The following BNC2 variants were observed in gnomAD, a reference collection of about 807,000 sequenced individuals.
BNC2 encodes zinc finger protein basonuclin-2.
BNC2 carries 20 observed loss-of-function variants against 76.3 expected under a neutral mutation model. The observed-to-expected ratio is 0.26, with a 90% CI of 0.18 to 0.38. BNC2 has a LOEUF of 0.38. Among genes scored for constraint, BNC2 ranks in the 10% least tolerant of loss-of-function variants. The probability of loss-of-function intolerance (pLI) is 1.00; values close to 1 mark genes in which losing one functional copy is unlikely to be tolerated. For synonymous variants in BNC2, 582 were observed against 514.8 expected, an observed-to-expected ratio of 1.13 and a Z score of -1.77; for missense variants, 1,382 against 1,399.8, an observed-to-expected ratio of 0.99 and a Z score of 0.20.
chr9:16,641,716 G>A (rs1294223279), intron 3 of BNC2, among the ~76,000 whole-genome samples: 2 of 152,130 alleles, frequency 1.3e-5, no homozygotes, highest in African/African-American at 2.4e-5. Context: ...ACATTTCAAT[G>A]GGGGCATATG....
At chr9:16,642,775 C>T (rs1821524661) in intron 3 of BNC2, among the ~76,000 whole-genome samples, 1 of 152,144 alleles carries the variant, frequency 6.6e-6, no homozygotes, top group Non-Finnish European at 1.5e-5. Flanking sequence ...AAATAGTCTA[C>T]ACAAAACTTT....
chr9:16,506,513 CTTTTTTTTTTTTTTTTTT>C lies in BNC2; in HGVS notation c.669+45999_669+46016del, dbSNP rs568955982. 5.9e-3 allele frequency among the ~76,000 whole-genome samples: 256 copies of C among 43,370 alleles called. 1 individual carries two copies. The highest frequency in any genetic ancestry group is 0.018 in the African/African-American group (224 of 12,426). The allele number at this position is 43,370 out of a possible 152,430, so 28.5% of individuals were successfully genotyped here. ...GTACACTTCTCTCTCTCTCTCTCCT[CTTTTTTTTTTTTTTTTTT>C]TTTTTTTTTTTTTGACGGAATCTCA... On this transcript the variant is annotated intron_variant, in intron 5 of 6. Coordinates refer to ENST00000380672, the MANE Select transcript of BNC2 (RefSeq NM_017637.6).
Position 16,436,743 on chromosome 9 carries a change from C to T in BNC2, c.1451G>A (p.Arg484Gln). The T allele has an allele frequency of 1.2e-6, 2 of 1,614,026 alleles. No homozygotes were observed. Among genetic ancestry groups the T allele is most frequent in the Non-Finnish European group, 1.7e-6 (2 of 1,179,986 alleles). ...EGCNMVFSSL[R>Q]SRNRHSANPN... ...GTTTGCACTGTGGCGATTACGACTT[C>T]GGAGGGAGCTAAAGACCATGTTGCA... The change falls in exon 6 of 7, where the codon CGA becomes CAA. Residue 484 changes from arginine (R) to glutamine (Q), a missense_variant. By Grantham distance (43) the Arg-to-Gln change is conservative. Around this residue, in one of 3 missense-constraint regions of BNC2, gnomAD observed 27 missense variants for 83.4 expected, o/e 0.32. Transcript: ENST00000380672.
chr9:16,840,056 A>C (rs921252023), intron 1 of BNC2, among the ~76,000 whole-genome samples: 1 of 152,206 alleles, frequency 6.6e-6, no homozygotes, highest in Non-Finnish European at 1.5e-5. Context: ...TACTCTTTAC[A>C]TCTTTACTGT....
intron 5 of BNC2, among the ~76,000 whole-genome samples, chr9:16,506,349 C>G (rs567570996): frequency 7.0e-4 from 106 of 152,132 alleles, no homozygotes; most frequent in Non-Finnish European, 1.4e-3. Flanking sequence ...CTGGATATAA[C>G]TAGCTTCTTT....
At chr9:16,678,952 T>G (rs1822741718) in intron 3 of BNC2, among the ~76,000 whole-genome samples, 1 of 152,186 alleles carries the variant, frequency 6.6e-6, no homozygotes, top group African/African-American at 2.4e-5. Flanking sequence ...TAACCTTCTA[T>G]CGCCCAAGAT....
chr9:16,579,428 A>C (rs956656992), intron 4 of BNC2, among the ~76,000 whole-genome samples: 2 of 151,986 alleles, frequency 1.3e-5, no homozygotes, highest in Middle Eastern at 3.2e-3. Flanking sequence ...GACCGAGAGC[A>C]CACGCAAACA....
rs1019547569 is a variant in BNC2, at chr9:16,676,814, C to G, written c.330+50983G>C. ...AGGGAGGAGAAAAAAAAAGCAAGTTCATGAACTGTTTTTTTCCCTGTAAAT... is the reference window on the plus strand; with the variant it reads ...AGGGAGGAGAAAAAAAAAGCAAGTTGATGAACTGTTTTTTTCCCTGTAAAT... On this transcript the variant is annotated intron_variant, in intron 3 of 6. Transcript: ENST00000380672. 4.6e-5 allele frequency among the ~76,000 whole-genome samples: 7 copies of G among 152,302 alleles called. No individual in the cohort carries two copies. The East Asian group carries it at 1.4e-3, about 29-fold the overall frequency.
rs775989649 is a variant in BNC2 at position 16,418,978 on chromosome 9, C to A, written c.*11G>T. On this transcript the variant is annotated 3_prime_UTR_variant, in exon 7 of 7. Transcript: ENST00000380672. ...TGGTGAGAGCTGGCATTTGTAGTGT[C>A]CATTCTGAGACTAATCTACTGAAGT... The A allele has an allele frequency of 6.2e-7, 1 of 1,613,826 alleles. No homozygotes were observed. Among genetic ancestry groups the A allele is most frequent in the South Asian group, 1.1e-5 (1 of 91,068 alleles).
At chr9:16,729,664 C>G (rs1252468764) in intron 2 of BNC2, among the ~76,000 whole-genome samples, 1 of 152,144 alleles carries the variant, frequency 6.6e-6, no homozygotes, top group Non-Finnish European at 1.5e-5. Flanking sequence ...TTAAGTCCAC[C>G]TGTGGTCAAT....
chr9:16,568,492 T>C (rs1455652452), intron 4 of BNC2, among the ~76,000 whole-genome samples: 1 of 152,154 alleles, frequency 6.6e-6, no homozygotes, highest in African/African-American at 2.4e-5. Flanking sequence ...ATACCCAATA[T>C]AATGATATGT....
At chr9:16,813,832 T>C (rs994850109) in intron 1 of BNC2, among the ~76,000 whole-genome samples, 2 of 152,190 alleles carry the variant, frequency 1.3e-5, no homozygotes, top group African/African-American at 4.8e-5. Flanking sequence ...GTTTTATATA[T>C]ATCAAACATG....
chr9:16,671,986 C>A (rs1487800244), intron 3 of BNC2, among the ~76,000 whole-genome samples: 3 of 152,196 alleles, frequency 2.0e-5, no homozygotes, highest in African/African-American at 7.2e-5. Context: ...TAAGCAAACT[C>A]TGAACAAATC....
At chr9:16,433,090 G>A (rs1275917303) in intron 6 of BNC2, among the ~76,000 whole-genome samples, 1 of 152,074 alleles carries the variant, frequency 6.6e-6, no homozygotes, top group African/African-American at 2.4e-5. Flanking sequence ...CACCCCAATG[G>A]CATCACTGGT....
At chr9:16,537,266 A>G (rs552469018) in intron 5 of BNC2, among the ~76,000 whole-genome samples, 57 of 152,258 alleles carry the variant, frequency 3.7e-4, no homozygotes, top group Non-Finnish European at 4.4e-4. Context: ...GTACACTGTA[A>G]AAGTCTGGTG....
intron 1 of BNC2, among the ~76,000 whole-genome samples, chr9:16,787,136 G>A (rs1414046851): frequency 2.6e-5 from 4 of 152,146 alleles, no homozygotes; most frequent in Non-Finnish European, 5.9e-5. Context: ...GCCTACTTCA[G>A]CAACATCTCT....
chr9:16,444,935 AT>A (rs891505271), intron 5 of BNC2, among the ~76,000 whole-genome samples: 3 of 152,028 alleles, frequency 2.0e-5, no homozygotes, highest in South Asian at 2.1e-4. Flanking sequence ...TTTCAGAGTC[AT>A]TTTTTCCCTT....
chr9:16,740,194 CTTATAT>C (rs1466168433), intron 1 of BNC2, among the ~76,000 whole-genome samples: 1 of 152,124 alleles, frequency 6.6e-6, no homozygotes, highest in Non-Finnish European at 1.5e-5. Context: ...AACAACAAGA[CTTATAT>C]TTAGGGTATG....
intron 5 of BNC2, among the ~76,000 whole-genome samples, chr9:16,532,720 A>T (rs1183759383): frequency 6.6e-6 from 1 of 152,244 alleles, no homozygotes; most frequent in Non-Finnish European, 1.5e-5. Context: ...CTATGTTCTT[A>T]TAATTATTTG....
Sources: allele counts gnomAD v4.1 joint callset (sites outside exome capture counted in the v4.1 genomes callset), GRCh38; gene constraint gnomAD v4.1.1; regional missense constraint gnomAD v4.1.1; transcripts MANE v1.5; gene names NCBI Gene and HGNC (gene_info 2026-07-23, HGNC 2026-07-21).